The following SLC44A5 variants were observed in gnomAD, a reference collection of about 807,000 sequenced individuals.
SLC44A5 encodes solute carrier family 44 member 5.
In SLC44A5, 57 loss-of-function variants were observed where a neutral mutation model predicts 101.8. The observed-to-expected ratio is 0.56, with a 90% CI of 0.45 to 0.70. The LOEUF (loss-of-function observed/expected upper bound fraction) is 0.70, where lower values mean the gene tolerates loss of function less well. Among genes scored for constraint, SLC44A5 ranks in the 30% least tolerant of loss-of-function variants. SLC44A5 has a pLI of 0.00. For missense variants in SLC44A5, 737 were observed against 853.1 expected (o/e 0.86, Z 1.70); for synonymous variants, 281 against 290.9 (o/e 0.97, Z 0.35).
At chr1:75,536,550 G>A (rs765096773) in intron 2 of SLC44A5, among the ~76,000 whole-genome samples, 3 of 138,302 alleles carry the variant, frequency 2.2e-5, no homozygotes, top group African/African-American at 2.7e-5. Flanking sequence ...GCAGTGAGCC[G>A]AGATCGCGCC....
intron 3 of SLC44A5, among the ~76,000 whole-genome samples, chr1:75,364,009 C>A (rs558883135): frequency 1.3e-5 from 2 of 152,224 alleles, no homozygotes; most frequent in Middle Eastern, 3.4e-3. Flanking sequence ...TTGTCTGCAG[C>A]GCTTTTGCTA....
the SLC44A5 span, among the ~76,000 whole-genome samples, chr1:75,665,384 G>A: frequency 0.043 from 6,477 of 152,106 alleles, 187 homozygotes; most frequent in African/African-American, 0.087. Flanking sequence ...ATGATGCTAC[G>A]TTAACTGTCC....
At chr1:75,552,749 A>C (rs1241597498) in intron 1 of SLC44A5, among the ~76,000 whole-genome samples, 1 of 151,924 alleles carries the variant, frequency 6.6e-6, no homozygotes, top group Non-Finnish European at 1.5e-5. Flanking sequence ...AGAAATGATG[A>C]CACTCTTCAA....
chr1:75,285,430 C>G (rs905191375), intron 5 of SLC44A5, among the ~76,000 whole-genome samples: 1 of 151,912 alleles, frequency 6.6e-6, no homozygotes, highest in Non-Finnish European at 1.5e-5. Flanking sequence ...AAAGAACCAG[C>G]ATTTTGTTTC....
chr1:75,349,167 T>C (rs573862932), intron 3 of SLC44A5, among the ~76,000 whole-genome samples: 1 of 152,210 alleles, frequency 6.6e-6, no homozygotes, highest in East Asian at 1.9e-4. Context: ...TGAAACCTCA[T>C]CTCTACTTAA....
the SLC44A5 span, among the ~76,000 whole-genome samples, chr1:75,638,120 T>C: frequency 6.6e-6 from 1 of 152,030 alleles, no homozygotes; most frequent in Non-Finnish European, 1.5e-5. Context: ...TTAATCCTCA[T>C]GACATCTCTA....
chr1:75,700,587 A>G, the SLC44A5 span, among the ~76,000 whole-genome samples: 7 of 152,216 alleles, frequency 4.6e-5, no homozygotes, highest in African/African-American at 1.7e-4. Context: ...TAACATCACA[A>G]TTAAAAGAAC....
At chr1:75,263,787 C>T (rs550967886) in intron 6 of SLC44A5, among the ~76,000 whole-genome samples, 1 of 152,036 alleles carries the variant, frequency 6.6e-6, no homozygotes, top group Non-Finnish European at 1.5e-5. Context: ...ACACCATGGA[C>T]TACTATGCAG....
At chr1:75,216,389 A>G (rs1361861715) in intron 18 of SLC44A5, among the ~76,000 whole-genome samples, 1 of 151,974 alleles carries the variant, frequency 6.6e-6, no homozygotes, top group African/African-American at 2.4e-5. Context: ...TATTCTGAAT[A>G]ATGCTGTTAT....
chr1:75,654,171 CAT>C, the SLC44A5 span, among the ~76,000 whole-genome samples: 1 of 152,164 alleles, frequency 6.6e-6, no homozygotes, highest in African/African-American at 2.4e-5. Context: ...ACTTTCTCCA[CAT>C]GAGGAATACA....
chr1:75,647,433 A>G, the SLC44A5 span, among the ~76,000 whole-genome samples: 1 of 152,176 alleles, frequency 6.6e-6, no homozygotes, highest in African/African-American at 2.4e-5. Flanking sequence ...GAGCCCCAAT[A>G]TAGAGTCCCC....
chr1:75,596,133 T>G (rs1224922032), intron 1 of SLC44A5, among the ~76,000 whole-genome samples: 1 of 152,040 alleles, frequency 6.6e-6, no homozygotes, highest in Non-Finnish European at 1.5e-5. Context: ...GGGCCCACAC[T>G]TAACCTTTAG....
intron 1 of SLC44A5, among the ~76,000 whole-genome samples, chr1:75,577,961 T>G (rs1229321702): frequency 6.6e-6 from 1 of 152,186 alleles, no homozygotes; most frequent in African/African-American, 2.4e-5. Flanking sequence ...ATAAATTACA[T>G]TAGCTTCAAA....
At chr1:75,485,438 C>A (rs1161034313) in intron 2 of SLC44A5, among the ~76,000 whole-genome samples, 1 of 152,210 alleles carries the variant, frequency 6.6e-6, no homozygotes, top group Non-Finnish European at 1.5e-5. Flanking sequence ...ACCTTTGCTC[C>A]AGTTCCTGGT....
intron 1 of SLC44A5, among the ~76,000 whole-genome samples, chr1:75,562,696 A>G (rs1298364542): frequency 2.0e-5 from 3 of 151,648 alleles, no homozygotes; most frequent in Non-Finnish European, 4.4e-5. Flanking sequence ...TCACAAAAAA[A>G]TATATATAAT....
At chr1:75,223,695 T>A (rs1459200347) in intron 13 of SLC44A5, among the ~76,000 whole-genome samples, 1 of 152,206 alleles carries the variant, frequency 6.6e-6, no homozygotes, top group Admixed American at 6.5e-5. Context: ...ATTATATCAC[T>A]GAAATTCTGA....
intron 2 of SLC44A5, among the ~76,000 whole-genome samples, chr1:75,478,191 C>T (rs1667560721): frequency 1.3e-5 from 2 of 151,926 alleles, no homozygotes; most frequent in Admixed American, 6.6e-5. Context: ...CCTTTACAGA[C>T]AAGCAAATGC....
At chr1:75,349,261 C>T (rs1658469221) in intron 3 of SLC44A5, among the ~76,000 whole-genome samples, 1 of 152,142 alleles carries the variant, frequency 6.6e-6, no homozygotes, top group South Asian at 2.1e-4. Flanking sequence ...ATTGCTTGAG[C>T]CCAGGATGCA....
At chr1:75,272,817 T>TAATG (rs1651600975) in intron 6 of SLC44A5, among the ~76,000 whole-genome samples, 1 of 152,194 alleles carries the variant, frequency 6.6e-6, no homozygotes, top group Admixed American at 6.5e-5. Context: ...TGAAGTCAGG[T>TAATG]AATGAGATGT....
Sources: gnomAD v4.1 joint callset for allele counts (sites outside exome capture counted in the v4.1 genomes callset) on GRCh38, gnomAD v4.1.1 for gene constraint, MANE v1.5 for transcripts, NCBI Gene and HGNC (gene_info 2026-07-23, HGNC 2026-07-21) for gene names.